ROPN1L: variants seen among roughly 807,000 people sequenced by gnomAD.
ROPN1L encodes the protein rhophilin associated tail protein 1 like, also known as ropporin-1-like protein.
Under a neutral mutation model 22.7 loss-of-function variants are expected in ROPN1L, and 23 were observed. The ratio of observed to expected loss-of-function variants is 1.01; its 90% confidence interval spans 0.73 to 1.43. The LOEUF (loss-of-function observed/expected upper bound fraction) is 1.43, where lower values mean the gene tolerates loss of function less well. Among genes scored for constraint, ROPN1L ranks in the 40% most tolerant of loss-of-function variants. ROPN1L has a pLI of 0.00. For missense variants in ROPN1L, 271 were observed against 291.5 expected, an observed-to-expected ratio of 0.93 and a Z score of 0.51; for synonymous variants, 116 against 117.8, an observed-to-expected ratio of 0.98 and a Z score of 0.10.
chr5:10,466,589 T>C (rs1345107658), downstream of ROPN1L, among the ~76,000 whole-genome samples: 2 of 152,050 alleles, frequency 1.3e-5, no homozygotes, highest in Non-Finnish European at 2.9e-5. Context: ...CAAAAAGGCA[T>C]GTGGTGTTTC....
rs1247769052 is a variant in ROPN1L, at chr5:10,470,274, G to A, written n.886-1536G>A. Among the ~76,000 whole-genome samples the A allele has an allele frequency of 7.4e-5, 4 of 54,196 alleles. No individual in the cohort carries two copies. In the East Asian group the frequency reaches 1.0e-3, roughly 14 times the overall value. 35.6% of individuals were successfully genotyped at this position (54,196 alleles called of 152,430 possible). ...TCTATTATGTTGCTTTGTACAATTT[G>A]TACAATTGTACAATCCCCTGGTTAT... On this transcript the variant is annotated intron_variant and non_coding_transcript_variant, in intron 4 of 4. Coordinates refer to the ROPN1L transcript ENST00000510520.
intron 3 of ROPN1L, among the ~76,000 whole-genome samples, chr5:10,453,730 T>G (rs1172174899): frequency 1.3e-5 from 2 of 152,212 alleles, no homozygotes; most frequent in Non-Finnish European, 2.9e-5. Context: ...GAAATCACTC[T>G]AGTCAAATTC....
intron 1 of ROPN1L, among the ~76,000 whole-genome samples, chr5:10,442,939 C>T (rs185503535): frequency 6.6e-5 from 10 of 152,224 alleles, no homozygotes; most frequent in Admixed American, 5.9e-4. Flanking sequence ...AAGAAATCCT[C>T]TTGGTTTTAC....
At chr5:10,481,300 G>A in the ROPN1L span, among the ~76,000 whole-genome samples, 435 of 152,332 alleles carry the variant, frequency 2.9e-3, 1 homozygote, top group African/African-American at 0.01. Context: ...CCAGGAGGAG[G>A]GGCCACGCTG....
At chr5:10,442,442 G>A (rs997422124) in intron 1 of ROPN1L, 144 bp downstream of exon 1, 3 of 1,003,602 alleles carry the variant, frequency 3.0e-6, no homozygotes, top group Non-Finnish European at 4.3e-6. Context: ...TAGCATTGGT[G>A]ACATCTATAC....
downstream of ROPN1L, among the ~76,000 whole-genome samples, chr5:10,476,164 C>A (rs1034769371): frequency 6.6e-6 from 1 of 152,236 alleles, no homozygotes; most frequent in Non-Finnish European, 1.5e-5. Context: ...TCTAGCTGAG[C>A]AGCCACATGC....
At chr5:10,452,793 T>G (rs990653113) in intron 3 of ROPN1L, among the ~76,000 whole-genome samples, 1 of 152,210 alleles carries the variant, frequency 6.6e-6, no homozygotes, top group South Asian at 2.1e-4. Context: ...GTTTTCACCT[T>G]CCTAATTGTG....
intron 4 of ROPN1L, among the ~76,000 whole-genome samples, chr5:10,463,691 G>T (rs534034524): frequency 3.3e-5 from 5 of 152,182 alleles, no homozygotes; most frequent in African/African-American, 9.7e-5. Context: ...AGGCATTGGC[G>T]CAGGTGCCGG....
chr5:10,450,606 C>G (rs112618902), intron 3 of ROPN1L, among the ~76,000 whole-genome samples: 8,936 of 152,126 alleles, frequency 0.059, 874 homozygotes, highest in African/African-American at 0.2. Flanking sequence ...TCAAGCGATT[C>G]CCTGTCTCAG....
the ROPN1L span, among the ~76,000 whole-genome samples, chr5:10,481,109 A>T: frequency 6.6e-6 from 1 of 152,154 alleles, no homozygotes; most frequent in Non-Finnish European, 1.5e-5. Flanking sequence ...CAGTTTGACA[A>T]ATGCTGCCTA....
downstream of ROPN1L, among the ~76,000 whole-genome samples, chr5:10,465,848 AAAAC>A (rs997818736): frequency 1.3e-5 from 2 of 152,164 alleles, no homozygotes; most frequent in African/African-American, 4.8e-5. Flanking sequence ...AAAATAAAAA[AAAAC>A]AAAGTGGCTT....
chr5:10,466,518 A>G (rs1213473530), downstream of ROPN1L, among the ~76,000 whole-genome samples: 1 of 152,170 alleles, frequency 6.6e-6, no homozygotes, highest in African/African-American at 2.4e-5. Flanking sequence ...CACCGTAAAT[A>G]AACTCCAACG....
At chr5:10,456,546 C>T (rs1018946527) in intron 3 of ROPN1L, among the ~76,000 whole-genome samples, 16 of 152,170 alleles carry the variant, frequency 1.1e-4, no homozygotes, top group Admixed American at 7.2e-4. Context: ...CAGCACATAT[C>T]GCACATGGGA....
downstream of ROPN1L, among the ~76,000 whole-genome samples, chr5:10,473,478 C>T (rs1202321744): frequency 1.3e-5 from 2 of 152,172 alleles, no homozygotes; most frequent in Admixed American, 1.3e-4. Flanking sequence ...GAAGGATTCC[C>T]TCCTAAAAGC....
intron 2 of ROPN1L, among the ~76,000 whole-genome samples, chr5:10,448,610 C>T (rs1207414113): frequency 6.6e-6 from 1 of 152,194 alleles, no homozygotes; most frequent in East Asian, 1.9e-4. Flanking sequence ...AGTCACTATC[C>T]AGGGGTAGAG....
intron 3 of ROPN1L, among the ~76,000 whole-genome samples, chr5:10,454,299 T>G (rs1037474202): frequency 5.3e-5 from 8 of 152,116 alleles, no homozygotes; most frequent in African/African-American, 1.4e-4. Context: ...AATTTTTTAT[T>G]TTTTGTAGAG....
At chr5:10,469,920 A>T (rs1171501461), downstream of ROPN1L, among the ~76,000 whole-genome samples, 4 of 152,226 alleles carry the variant, frequency 2.6e-5, no homozygotes, top group Non-Finnish European at 1.5e-5. Flanking sequence ...AGAGTCACAC[A>T]TTGAATTTAC....
downstream of ROPN1L, among the ~76,000 whole-genome samples, chr5:10,474,884 T>C (rs1351889218): frequency 1.3e-5 from 2 of 152,178 alleles, no homozygotes; most frequent in Non-Finnish European, 2.9e-5. Flanking sequence ...GTATTAAAAA[T>C]GGGTGTATAT....
At chr5:10,472,188 C>T (rs1363200205), downstream of ROPN1L, among the ~76,000 whole-genome samples, 1 of 152,192 alleles carries the variant, frequency 6.6e-6, no homozygotes, top group African/African-American at 2.4e-5. Context: ...TTGATTTTCA[C>T]TTGTGCATTT....
Sources: gnomAD v4.1 joint callset for allele counts (sites outside exome capture counted in the v4.1 genomes callset) on GRCh38, gnomAD v4.1.1 for gene constraint, MANE v1.5 for transcripts, NCBI Gene and HGNC (gene_info 2026-07-23, HGNC 2026-07-21) for gene names.